The following MDH2 variants were observed in gnomAD, a reference collection of about 807,000 sequenced individuals.
The protein encoded by MDH2 is malate dehydrogenase 2.
A neutral mutation model predicts 33.6 loss-of-function variants in MDH2; 25 were observed. The ratio of observed to expected loss-of-function variants is 0.74; its 90% CI spans 0.54 to 1.04. The LOEUF is 1.04. Ranked by LOEUF, MDH2 falls within the 50% of genes least tolerant of loss-of-function variation. MDH2 has a pLI of 0.00. For missense variants in MDH2, 432 were observed against 445.0 expected, an observed-to-expected ratio of 0.97 and a Z score of 0.26; for synonymous variants, 193 against 188.7, an observed-to-expected ratio of 1.02 and a Z score of -0.19.
chr7:76,066,671 C>T lies in MDH2; in HGVS notation c.*261C>T, dbSNP rs1639614. The T allele has an allele frequency of 0.013, 4,201 of 320,386 alleles. 157 individuals are homozygous for T. Among genetic ancestry groups the T allele is most frequent in the African/African-American group, 0.08 (3,758 of 46,776 alleles). 19.8% of individuals were successfully genotyped at this position (320,386 alleles called of 1,614,324 possible). A position where few individuals can be genotyped will look rare whatever the true frequency, so the allele number is the denominator to read the frequency against. On this transcript the variant is annotated 3_prime_UTR_variant, in exon 9 of 9. Coordinates refer to ENST00000315758, the MANE Select transcript of MDH2 (RefSeq NM_005918.4). ...TAGAGTGTCTGCTACCTCTTCATTA[C>T]CAATCAGAATTAGATGATGTTTAAC...
chr7:76,048,865 T>C lies in MDH2; in HGVS notation c.66+639T>C, dbSNP rs954117017. ...CCGCGACCACTTAAGCCTAGGAGCC[T>C]AGGCTATTTTTAGCCATCTTCTAGA... is the stretch of plus-strand genomic sequence containing the variant. On this transcript the variant is annotated intron_variant, in intron 1 of 8. Coordinates refer to ENST00000315758, the MANE Select transcript of MDH2 (RefSeq NM_005918.4). 29 of 1,167,134 alleles carry C rather than the reference T, an allele frequency of 2.5e-5. No homozygotes were observed. In the African/African-American group the frequency reaches 3.4e-4, roughly 14 times the overall value. 72.3% of individuals were successfully genotyped at this position (1,167,134 alleles called of 1,614,324 possible).
rs1554584459 is a variant in MDH2, at chr7:76,048,187, C to T, written c.27C>T (p.Ala9=). ...TGCTCTCCGCCCTCGCCCGGCCTGC[C>T]AGCGCTGCTCTCCGCCGCAGCTTCA... The part of the protein sequence containing the change: MLSALARP[A]SAALRRSFST... Residue 9 remains alanine, a synonymous_variant, in exon 1 of 9, where the codon GCC becomes GCT. Coordinates refer to ENST00000315758, the MANE Select transcript of MDH2 (RefSeq NM_005918.4). The T allele has an allele frequency of 6.5e-7, 1 of 1,536,316 alleles. No individual in the cohort carries two copies. Among genetic ancestry groups the T allele is most frequent in the Non-Finnish European group, 8.7e-7 (1 of 1,146,652 alleles).
In MDH2 at chr7:76,064,365, G is replaced by T; in HGVS notation, c.660G>T (p.Gln220His). 6.2e-7 allele frequency: 1 copy of T among 1,613,494 alleles called. No individual in the cohort carries two copies. ...GCACCCCCAAGGTGGACTTTCCCCA[G>T]GACCAGCTGACAGCACTCACTGGGC... The part of the protein sequence containing the change: ...SQCTPKVDFP[Q>H]DQLTALTGRI... Residue 220 changes from glutamine to histidine, a missense_variant, in exon 7 of 9, where the codon CAG (glutamine) becomes CAT (histidine). Physicochemically the swap from Gln to His is conservative, Grantham distance 24. Transcript: ENST00000315758.
chr7:76,061,813 C>T (rs1554587060), intron 5 of MDH2, among the ~76,000 whole-genome samples: 1 of 152,164 alleles, frequency 6.6e-6, no homozygotes, highest in Non-Finnish European at 1.5e-5. Flanking sequence ...CTCGTGGGCT[C>T]TCAGGGCTGG....
intron 1 of MDH2, among the ~76,000 whole-genome samples, chr7:76,051,417 G>T (rs1400104826): frequency 6.6e-6 from 1 of 151,616 alleles, no homozygotes; most frequent in Admixed American, 6.6e-5. Context: ...CGCCTCCCAG[G>T]TTCAAGCCAT....
chr7:76,065,662 A>T (rs1366235477), intron 8 of MDH2, among the ~76,000 whole-genome samples: 1 of 152,160 alleles, frequency 6.6e-6, no homozygotes, highest in African/African-American at 2.4e-5. Flanking sequence ...CCCGGTTCTC[A>T]TAGGCCCTTG....
At chr7:76,060,226 C>T in intron 4 of MDH2, 147 bp from the exon 5 acceptor site, 1 of 1,058,760 alleles carries the variant, frequency 9.4e-7, no homozygotes. Flanking sequence ...CTTGCCAGTA[C>T]AGAGTTATCA....
At chr7:76,052,193 T>G (rs73366102) in intron 1 of MDH2, among the ~76,000 whole-genome samples, 3,160 of 152,170 alleles carry the variant, frequency 0.021, 108 homozygotes, top group African/African-American at 0.071. Flanking sequence ...TAGATAAAGA[T>G]AGAGACAGTC....
intron 8 of MDH2, 120 bp from the exon 9 acceptor site, chr7:76,066,159 C>T (rs1798090593): frequency 1.6e-6 from 2 of 1,274,890 alleles, no homozygotes; most frequent in African/African-American, 3.0e-5. Context: ...CCCAGCAAGG[C>T]ACCCAGAACC....
intron 6 of MDH2, 93 bp from the exon 7 acceptor site, chr7:76,064,246 G>C (rs1554587424): frequency 1.2e-6 from 1 of 816,216 alleles, no homozygotes; most frequent in Non-Finnish European, 1.9e-6. Flanking sequence ...TGATGGGAGG[G>C]AGAGGAGAGG....
At position 76,054,939 on chromosome 7, in the gene MDH2, C is replaced by T. The variant is rs782507132; in HGVS notation, c.176C>T (p.Ala59Val). ...LVSRLTLYDIAHTPGVAADLS... is the reference protein window; with the variant it reads ...LVSRLTLYDIVHTPGVAADLS... Reference sequence around the variant, plus strand: ...AGCCGCCTGACCCTCTATGATATCGCGCACACACCCGGAGTGGCCGCAGAT... The same window carrying T: ...AGCCGCCTGACCCTCTATGATATCGTGCACACACCCGGAGTGGCCGCAGAT... The change falls in exon 2 of 9, where the codon GCG (alanine) becomes GTG (valine). Residue 59 changes from alanine (A) to valine (V), a missense_variant. Transcript: ENST00000315758. The T allele has an allele frequency of 1.5e-5, 24 of 1,614,000 alleles. No individual in the cohort carries two copies. In the South Asian group the frequency reaches 1.5e-4, roughly 10 times the overall value.
At chr7:76,064,484 C>T (rs782252884) in intron 7 of MDH2, 46 bp downstream of exon 7, 13 of 1,500,932 alleles carry the variant, frequency 8.7e-6, no homozygotes, top group South Asian at 4.7e-5. Context: ...TGAGGCCCTG[C>T]GAGAGCTCAG....
chr7:76,060,609 T>A, intron 5 of MDH2, 111 bp downstream of exon 5: 1 of 1,478,032 alleles, frequency 6.8e-7, no homozygotes, highest in Non-Finnish European at 9.1e-7. Flanking sequence ...CGTGTCACTT[T>A]GGGGTTTTAA....
intron 5 of MDH2, among the ~76,000 whole-genome samples, chr7:76,061,787 G>A (rs1370397437): frequency 5.3e-5 from 8 of 152,168 alleles, no homozygotes; most frequent in African/African-American, 1.9e-4. Flanking sequence ...GCGTCCTGGA[G>A]GCAACAGAGT....
intron 1 of MDH2, chr7:76,048,996 G>GGGA: frequency 3.1e-6 from 1 of 326,720 alleles, no homozygotes; most frequent in Non-Finnish European, 3.7e-6. Flanking sequence ...GGGGGGGGGG[G>GGGA]GGTCCGCATT....
chr7:76,064,834 G>A lies in MDH2; in HGVS notation c.766G>A (p.Ala256Thr), dbSNP rs147655350. The change falls in exon 8 of 9, where the codon GCC (alanine) becomes ACC (threonine). Residue 256 changes from alanine (A) to threonine (T), a missense_variant. Ala to Thr is a moderately conservative substitution (Grantham distance 58, BLOSUM62 0). Transcript: ENST00000315758. ...CACCCTCTCCATGGCGTATGCCGGC[G>A]CCCGCTTTGTCTTCTCCCTTGTGGA... ...SATLSMAYAG[A>T]RFVFSLVDAM... 44 of 1,613,922 alleles carry A rather than the reference G, an allele frequency of 2.7e-5. No individual in the cohort carries two copies. The highest frequency in any genetic ancestry group is 2.2e-4 in the East Asian group (10 of 44,878).
rs908257421 is a variant in MDH2 at position 76,057,859 on chromosome 7, C to T, written c.320-110C>T. The T allele has an allele frequency of 7.9e-5, 75 of 950,598 alleles. No homozygotes were observed. In the African/African-American group the frequency reaches 8.9e-4, roughly 11 times the overall value. 58.9% of individuals were successfully genotyped at this position (950,598 alleles called of 1,614,324 possible). A position where few individuals can be genotyped will look rare whatever the true frequency, so the allele number is the denominator to read the frequency against. ...CCCTGCAAGAGGGACTGACTTGAAA[C>T]GGGGACCTTGAGTGGCTAAATTTCC... On this transcript the variant is annotated intron_variant, in intron 3 of 8. Coordinates refer to ENST00000315758, the MANE Select transcript of MDH2 (RefSeq NM_005918.4).
Position 76,061,717 on chromosome 7 carries a change from G to A in MDH2, c.555+1219G>A, listed in dbSNP as rs1318377409. Among the ~76,000 whole-genome samples the A allele has an allele frequency of 2.0e-5, 3 of 151,578 alleles. No individual in the cohort carries two copies. In the East Asian group the frequency reaches 5.8e-4, roughly 29 times the overall value. ...TCCAGAGGCCCCCGGGATTGCCGCAGTACGGAAGTGGACACAACAGGCAGG... is the reference window on the plus strand; with the variant it reads ...TCCAGAGGCCCCCGGGATTGCCGCAATACGGAAGTGGACACAACAGGCAGG... On this transcript the variant is annotated intron_variant, in intron 5 of 8. Transcript: ENST00000315758.
rs782463157 is a variant in MDH2, at chr7:76,064,863, A to G, written c.795A>G (p.Ala265=). 1 of 1,614,136 alleles carries G rather than the reference A, an allele frequency of 6.2e-7. No individual in the cohort carries two copies. The highest frequency in any genetic ancestry group is 2.2e-5 in the East Asian group (1 of 44,850). ...GCTTTGTCTTCTCCCTTGTGGATGCAATGAATGGAAAGGAAGGTGTTGTGG... is the reference window on the plus strand; with the variant it reads ...GCTTTGTCTTCTCCCTTGTGGATGCGATGAATGGAAAGGAAGGTGTTGTGG... ...GARFVFSLVD[A]MNGKEGVVEC... The change falls in exon 8 of 9, where the codon GCA becomes GCG. Residue 265 remains alanine, a synonymous_variant. Coordinates refer to ENST00000315758, the MANE Select transcript of MDH2 (RefSeq NM_005918.4).
Sources: gnomAD v4.1 joint callset for allele counts (sites outside exome capture counted in the v4.1 genomes callset) on GRCh38, gnomAD v4.1.1 for gene constraint, MANE v1.5 for transcripts, NCBI Gene and HGNC (gene_info 2026-07-23, HGNC 2026-07-21) for gene names.